The following IZUMO3 variants were observed in gnomAD, a reference collection of about 807,000 sequenced individuals.
The protein encoded by IZUMO3 is izumo sperm-egg fusion protein 3.
In IZUMO3, 36 loss-of-function variants were observed where a neutral mutation model predicts 28.4. The observed-to-expected ratio is 1.27, with a 90% CI of 0.97 to 1.67. IZUMO3 has a LOEUF of 1.67. Ranked by LOEUF, IZUMO3 falls within the 40% of genes most tolerant of loss-of-function variation. The pLI is 0.00. For missense variants in IZUMO3, 387 were observed against 278.5 expected (o/e 1.39, Z -2.77); for synonymous variants, 126 against 99.2 (o/e 1.27, Z -1.61).
At chr9:24,544,943 A>C in intron 3 of IZUMO3, 29 bp downstream of exon 3, 1 of 1,459,188 alleles carries the variant, frequency 6.9e-7, no homozygotes, top group Non-Finnish European at 9.4e-7. Context: ...ATATAACTTC[A>C]GTGCTGTTAT....
At position 24,545,802 on chromosome 9, in the gene IZUMO3, T is replaced by G; in HGVS notation, c.-153A>C. On this transcript the variant is annotated 5_prime_UTR_variant, in exon 1 of 7. Transcript: ENST00000543880. ...TTCCATCCCACTATCGGGCAATCTT[T>G]AGTTGTTTAGTTTAATGATCTTTAG... 6.5e-7 allele frequency: 1 copy of G among 1,543,278 alleles called. No homozygotes were observed. Among genetic ancestry groups the G allele is most frequent in the Non-Finnish European group, 8.7e-7 (1 of 1,144,076 alleles).
intron 4 of IZUMO3, 109 bp from the exon 5 acceptor site, chr9:24,544,390 A>T (rs1297056789): frequency 1.3e-6 from 1 of 795,612 alleles, no homozygotes; most frequent in East Asian, 2.7e-5. Flanking sequence ...AGGACTCTCA[A>T]GTTTGCATTG....
chr9:24,545,880 A>G lies in IZUMO3; in HGVS notation c.-231T>C. On this transcript the variant is annotated 5_prime_UTR_variant, in exon 1 of 7. Transcript: ENST00000543880. ...TAGGAGAGGGAACTGCCAGCTGGGG[A>G]GCGGATACCTGAGTTCTGAGTGTAG... The G allele has an allele frequency of 2.7e-6, 4 of 1,502,706 alleles. No homozygotes were observed. The highest frequency in any genetic ancestry group is 3.6e-6 in the Non-Finnish European group (4 of 1,117,710). 93.1% of individuals were successfully genotyped at this position (1,502,706 alleles called of 1,614,324 possible).
chr9:24,544,327 G>A (rs1159733338), intron 4 of IZUMO3, 46 bp from the exon 5 acceptor site: 19 of 1,342,084 alleles, frequency 1.4e-5, no homozygotes, highest in East Asian at 5.0e-5. Flanking sequence ...GGCATGGCAC[G>A]AGGGTTCCTT....
Position 24,543,682 on chromosome 9 carries a change from A to G in IZUMO3, c.563T>C (p.Leu188Pro). ...AACTCACAGTAACACAGCACTTCCC[A>G]GTATTACAGCTGTTGCCAGCAATAT... ...FLILLATAVI[L>P]GSAVLLFHFC... The change falls in exon 6 of 7, where the codon CTG becomes CCG. Residue 188 changes from leucine (L) to proline (P), a missense_variant. Leu to Pro is a moderately conservative substitution (Grantham distance 98). Transcript: ENST00000543880. The G allele has an allele frequency of 1.3e-6, 2 of 1,546,578 alleles. No individual in the cohort carries two copies. Among genetic ancestry groups the G allele is most frequent in the East Asian group, 2.4e-5 (1 of 40,862 alleles).
Position 24,545,216 on chromosome 9 carries a change from C to T in IZUMO3, c.297G>A (p.Trp99Ter), listed in dbSNP as rs190325145. The T allele has an allele frequency of 6.8e-5, 106 of 1,549,634 alleles. No homozygotes were observed. The African/African-American group carries it at 1.3e-3, about 18-fold the overall frequency. The change falls in exon 2 of 7, where the codon TGG becomes TGA. Residue 99 changes from tryptophan (W) to a stop codon, truncating the protein, a stop_gained. Coordinates refer to ENST00000543880, the MANE Select transcript of IZUMO3 (RefSeq NM_001365008.2). LOFTEE classifies it high-confidence loss of function. ...AACATTGAAACAGTACCTCACCTTTCCATGTTTCATTGCCCAGTTTATAAA... is the reference window on the plus strand; with the variant it reads ...AACATTGAAACAGTACCTCACCTTTTCATGTTTCATTGCCCAGTTTATAAA... Reference protein sequence around the residue: ...NEFYKLGNETWKGVFIYQGKL... With the variant: ...NEFYKLGNET
chr9:24,544,841 C>A (rs954633936), intron 3 of IZUMO3, 81 bp from the exon 4 acceptor site: 173 of 1,426,110 alleles, frequency 1.2e-4, no homozygotes, highest in Admixed American at 2.2e-4. Context: ...TCTTTGTTTA[C>A]CCTTTAAGTT....
At chr9:24,544,460 T>C (rs1819534008) in intron 4 of IZUMO3, among the ~76,000 whole-genome samples, 179 bp from the exon 5 acceptor site, 1 of 152,170 alleles carries the variant, frequency 6.6e-6, no homozygotes, top group African/African-American at 2.4e-5. Context: ...TCTGTAAGTC[T>C]GATCTCCAGG....
intron 4 of IZUMO3, 22 bp downstream of exon 4, chr9:24,544,721 G>T: frequency 6.5e-7 from 1 of 1,548,012 alleles, no homozygotes; most frequent in Non-Finnish European, 8.7e-7. Context: ...AAACCTCAAG[G>T]CGTCACATGT....
At chr9:24,545,154 A>C (rs1163955498) in intron 2 of IZUMO3, 58 bp downstream of exon 2, 5 of 1,518,334 alleles carry the variant, frequency 3.3e-6, no homozygotes. Flanking sequence ...TTCCCCAGCC[A>C]AATTTTCTGA....
At chr9:24,544,934 T>C in intron 3 of IZUMO3, 38 bp downstream of exon 3, 1 of 1,444,346 alleles carries the variant, frequency 6.9e-7, no homozygotes, top group Non-Finnish European at 9.5e-7. Context: ...ATTCCCTTCA[T>C]ATAACTTCAG....
rs1442467251 is a variant in IZUMO3 at position 24,543,174 on chromosome 9, C to G, written c.*55G>C. 7.1e-7 allele frequency: 1 copy of G among 1,413,514 alleles called. No individual in the cohort carries two copies. Among genetic ancestry groups the G allele is most frequent in the Non-Finnish European group, 9.4e-7 (1 of 1,061,734 alleles). 87.6% of individuals were successfully genotyped at this position (1,413,514 alleles called of 1,614,324 possible). ...AAAGGGTTTACCTCCCAGTTTTGTA[C>G]TTAGAGTCAACACTTAAGAGAATCA... On this transcript the variant is annotated 3_prime_UTR_variant, in exon 7 of 7. Transcript: ENST00000543880.
In IZUMO3 at chr9:24,544,115, C is replaced by T. The variant is rs962975135; in HGVS notation, c.490+86G>A. 1.0e-4 allele frequency: 95 copies of T among 929,160 alleles called. No homozygotes were observed. The African/African-American group carries it at 1.4e-3, about 13-fold the overall frequency. The allele number at this position is 929,160 out of a possible 1,614,324, so 57.6% of individuals were successfully genotyped here. ...CTCCATTAAAGGTCATGTAGTGACC[C>T]AACAAATACATGTAGAATAAATCAG... On this transcript the variant is annotated intron_variant, in intron 5 of 6. Coordinates refer to ENST00000543880, the MANE Select transcript of IZUMO3 (RefSeq NM_001365008.2).
Position 24,543,764 on chromosome 9 carries a change from G to C in IZUMO3, c.491-10C>G. ...TTTCTTGGATCCTCGTCTGGAAGGA[G>C]AAACAGGAAAATATGAAAGTGAGTT... On this transcript the variant is annotated splice_polypyrimidine_tract_variant and intron_variant, in intron 5 of 6. Coordinates refer to ENST00000543880, the MANE Select transcript of IZUMO3 (RefSeq NM_001365008.2). The C allele has an allele frequency of 6.6e-7, 1 of 1,512,702 alleles. No homozygotes were observed. Among genetic ancestry groups the C allele is most frequent in the Non-Finnish European group, 9.0e-7 (1 of 1,113,086 alleles). The allele number at this position is 1,512,702 out of a possible 1,614,324, so 93.7% of individuals were successfully genotyped here.
Position 24,543,247 on chromosome 9 carries a change from G to T in IZUMO3, c.702C>A (p.Asp234Glu). 6.5e-7 allele frequency: 1 copy of T among 1,545,660 alleles called. No homozygotes were observed. Residue 234 changes from aspartate (D) to glutamate (E), a missense_variant, in exon 7 of 7, where the codon GAC becomes GAA. Coordinates refer to ENST00000543880, the MANE Select transcript of IZUMO3 (RefSeq NM_001365008.2). ...MGKIDEKEEK[D>E]FRLRK ...GATGTGTTTATTTTCTGAGTCTAAA[G>T]TCTTTCTCCTCCTTCTCATCTATCT...
rs1188773789 is a variant in IZUMO3 at position 24,543,367 on chromosome 9, T to A, written c.582A>T (p.Leu194=). Residue 194 remains leucine, a splice_region_variant and synonymous_variant, in exon 7 of 7, where the codon CTA becomes CTT. Coordinates refer to ENST00000543880, the MANE Select transcript of IZUMO3 (RefSeq NM_001365008.2). ...TCCGATGAAAGATGCAAAAATGGAATCTAGAGTAGGAAAAGAAAATAATTC... is the reference window on the plus strand; with the variant it reads ...TCCGATGAAAGATGCAAAAATGGAAACTAGAGTAGGAAAAGAAAATAATTC... ...TAVILGSAVL[L]FHFCIFHRRK... 2.6e-6 allele frequency: 4 copies of A among 1,535,568 alleles called. No individual in the cohort carries two copies. The highest frequency in any genetic ancestry group is 2.4e-5 in the South Asian group (2 of 82,734).
chr9:24,544,747 A>G lies in IZUMO3; in HGVS notation c.405T>C (p.Asp135=), dbSNP rs1032352500. The change falls in exon 4 of 7, where the codon GAT becomes GAC. Residue 135 remains aspartate, a synonymous_variant. Transcript: ENST00000543880. ...CGTCACATGTACTGTACTCACTGCA[A>G]TCTTCAGAACAAGCTAGAAGAGAAT... is the stretch of plus-strand genomic sequence containing the variant. ...KNFSEIACSE[D]CIVVEGPILD... 3.2e-6 allele frequency: 5 copies of G among 1,550,124 alleles called. No homozygotes were observed. The highest frequency in any genetic ancestry group is 1.4e-5 in the African/African-American group (1 of 73,008).
Position 24,543,203 on chromosome 9 carries a change from A to C in IZUMO3, c.*26T>G, listed in dbSNP as rs780643444. 6.6e-7 allele frequency: 1 copy of C among 1,520,692 alleles called. No homozygotes were observed. Among genetic ancestry groups the C allele is most frequent in the South Asian group, 1.3e-5 (1 of 78,886 alleles). 94.2% of individuals were successfully genotyped at this position (1,520,692 alleles called of 1,614,324 possible). The stretch of plus-strand genomic sequence containing the variant: ...GAGTCAACACTTAAGAGAATCATGA[A>C]AGACTTCTTGTCCATGTTGATGTGT... On this transcript the variant is annotated 3_prime_UTR_variant, in exon 7 of 7. Transcript: ENST00000543880.
Position 24,543,719 on chromosome 9 carries a change from C to G in IZUMO3, c.526G>C (p.Ala176Pro). 1 of 1,549,392 alleles carries G rather than the reference C, an allele frequency of 6.5e-7. No individual in the cohort carries two copies. ...GTTGCCAGCAATATGAGAAATAGAG[C>G]AATCTCTCGATTCTCAGCCTTTCTT... ...DPRKAENREI[A>P]LFLILLATAV... Residue 176 changes from alanine (A) to proline (P), a missense_variant, in exon 6 of 7, where the codon GCT (alanine) becomes CCT (proline). Physicochemically the swap from Ala to Pro is conservative, Grantham distance 27. Coordinates refer to ENST00000543880, the MANE Select transcript of IZUMO3 (RefSeq NM_001365008.2).
Sources: allele counts gnomAD v4.1 joint callset (sites outside exome capture counted in the v4.1 genomes callset), GRCh38; gene constraint gnomAD v4.1.1; transcripts MANE v1.5; gene names NCBI Gene and HGNC (gene_info 2026-07-23, HGNC 2026-07-21).